NBEAL1: variants seen among roughly 807,000 people sequenced by gnomAD.
NBEAL1 encodes neurobeachin like 1.
Under a neutral mutation model 351.3 loss-of-function variants are expected in NBEAL1, and 273 were observed. The ratio of observed to expected loss-of-function variants is 0.78; its 90% CI spans 0.70 to 0.86. The LOEUF is 0.86. NBEAL1 is among the 40% of genes least tolerant of loss of function. The probability of loss-of-function intolerance (pLI) is 0.00; values close to 1 mark genes in which losing one functional copy is unlikely to be tolerated. For missense variants in NBEAL1, 2,961 were observed against 3,201.3 expected (o/e 0.92, Z 1.81); for synonymous variants, 1,050 against 1,086.4 (o/e 0.97, Z 0.66).
At chr2:203,206,853 G>C (rs1292498676) in intron 51 of NBEAL1, among the ~76,000 whole-genome samples, 1 of 150,792 alleles carries the variant, frequency 6.6e-6, no homozygotes, top group Non-Finnish European at 1.5e-5. Flanking sequence ...CGTCTGGGAA[G>C]TGAGGAGGGT....
chr2:203,169,388 T>TA (rs1208449990), intron 38 of NBEAL1, among the ~76,000 whole-genome samples: 36,548 of 89,364 alleles, frequency 0.41, 7,123 homozygotes, highest in East Asian at 0.58. Context: ...TTGAATATAG[T>TA]AAAAAAAAAA....
intron 12 of NBEAL1, among the ~76,000 whole-genome samples, chr2:203,104,098 C>G (rs186765833): frequency 8.2e-4 from 125 of 152,202 alleles, no homozygotes; most frequent in African/African-American, 2.7e-3. Context: ...GGTAAAGTGT[C>G]CTGTAGATCT....
chr2:203,169,239 G>C (rs538103927), intron 38 of NBEAL1, among the ~76,000 whole-genome samples: 73 of 152,070 alleles, frequency 4.8e-4, no homozygotes, highest in Middle Eastern at 3.4e-3. Flanking sequence ...CAAACCCATA[G>C]AGACAGAAAT....
Position 203,220,199 on chromosome 2 carries a change from T to C in NBEAL1, c.*2845T>C, listed in dbSNP as rs1166296748. Among the ~76,000 whole-genome samples the C allele has an allele frequency of 6.6e-6, 1 of 152,124 alleles. No homozygotes were observed. Among genetic ancestry groups the C allele is most frequent in the Non-Finnish European group, 1.5e-5 (1 of 67,996 alleles). On this transcript the variant is annotated 3_prime_UTR_variant, in exon 56 of 56. Coordinates refer to ENST00000683969, the MANE Select transcript of NBEAL1 (RefSeq NM_001378026.1). ...TCAAGTTGGCTCTTACAAAGTCTGT[T>C]ACCTGGCCAATTGTGGTGGCTCACG...
At position 203,057,391 on chromosome 2, in the gene NBEAL1, C is replaced by T. The variant is rs1315882001; in HGVS notation, c.453C>T (p.His151=). The T allele has an allele frequency of 2.6e-6, 4 of 1,552,126 alleles. No individual in the cohort carries two copies. The highest frequency in any genetic ancestry group is 2.4e-5 in the East Asian group (1 of 41,756). ...CATGTATTGAAGAATTTGTGATCCACGCATTGGCATTTTGTGAAAGCTTAT... is the reference window on the plus strand; with the variant it reads ...CATGTATTGAAGAATTTGTGATCCATGCATTGGCATTTTGTGAAAGCTTAT... ...DQTCIEEFVI[H]ALAFCESLYD... is the part of the protein sequence containing the mutation. Residue 151 remains histidine (H), a synonymous_variant, in exon 6 of 56, where the codon CAC becomes CAT. Coordinates refer to ENST00000683969, the MANE Select transcript of NBEAL1 (RefSeq NM_001378026.1).
chr2:203,063,905 A>G (rs932788506), intron 6 of NBEAL1, among the ~76,000 whole-genome samples: 1 of 152,178 alleles, frequency 6.6e-6, no homozygotes, highest in Non-Finnish European at 1.5e-5. Context: ...CCAAGTGCCA[A>G]TTAGTAAATA....
At chr2:203,059,206 T>C (rs1225114854) in intron 6 of NBEAL1, among the ~76,000 whole-genome samples, 1 of 152,218 alleles carries the variant, frequency 6.6e-6, no homozygotes, top group Non-Finnish European at 1.5e-5. Flanking sequence ...TTGTATGTTC[T>C]ATATAGTGAT....
chr2:203,151,930 T>C (rs931915576), intron 35 of NBEAL1, among the ~76,000 whole-genome samples: 2 of 152,134 alleles, frequency 1.3e-5, no homozygotes, highest in Non-Finnish European at 2.9e-5. Context: ...TAATGTTAGA[T>C]AGAATTCTTA....
rs566892334 is a variant in NBEAL1 at position 203,138,729 on chromosome 2, T to C, written c.4829T>C (p.Ile1610Thr). The C allele has an allele frequency of 5.6e-6, 9 of 1,612,036 alleles. No individual in the cohort carries two copies. Among genetic ancestry groups the C allele is most frequent in the East Asian group, 2.2e-5 (1 of 44,756 alleles). The change falls in exon 31 of 56, where the codon ATT (isoleucine) becomes ACT (threonine). Residue 1610 changes from isoleucine (I) to threonine (T), a missense_variant. Coordinates refer to ENST00000683969, the MANE Select transcript of NBEAL1 (RefSeq NM_001378026.1). ...QIQIQLLLGF[I>T]GRGNLQVCAM... ...CAGATCCAGTTGCTTCTAGGATTCA[T>C]TGGAAGGGGTAATTTGCAGGTTTGT...
intron 48 of NBEAL1, 99 bp downstream of exon 48, chr2:203,197,490 T>C (rs1302276184): frequency 2.5e-6 from 2 of 784,746 alleles, no homozygotes; most frequent in Non-Finnish European, 4.2e-6. Flanking sequence ...ACTTTTTGGC[T>C]GTGCATGGTG....
intron 15 of NBEAL1, 97 bp downstream of exon 15, chr2:203,110,379 A>G: frequency 1.5e-6 from 2 of 1,368,870 alleles, no homozygotes; most frequent in South Asian, 1.4e-5. Flanking sequence ...TTGCTAAAAA[A>G]TTTAAATGAG....
At chr2:203,048,697 T>A (rs1193034692) in intron 3 of NBEAL1, among the ~76,000 whole-genome samples, 1 of 152,204 alleles carries the variant, frequency 6.6e-6, no homozygotes, top group Non-Finnish European at 1.5e-5. Context: ...CCCATGTCTT[T>A]AGACGTTGAA....
chr2:203,212,804 G>T (rs751311950), intron 54 of NBEAL1, among the ~76,000 whole-genome samples: 8 of 152,190 alleles, frequency 5.3e-5, no homozygotes, highest in Non-Finnish European at 1.2e-4. Flanking sequence ...GACAAGACAG[G>T]GAGGGCCTTC....
At chr2:203,114,438 G>T (rs1314476717) in intron 17 of NBEAL1, among the ~76,000 whole-genome samples, 1 of 152,168 alleles carries the variant, frequency 6.6e-6, no homozygotes, top group Non-Finnish European at 1.5e-5. Flanking sequence ...AAGAATTCAT[G>T]AAGGCAGTAG....
Position 203,201,577 on chromosome 2 carries a change from G to C in NBEAL1, c.7273G>C (p.Gly2425Arg). The change falls in exon 50 of 56, where the codon GGG becomes CGG. Residue 2425 changes from glycine (G) to arginine (R), a missense_variant. Transcript: ENST00000683969. ...QRSINGSFAP[G>R]LEITSKLFVV... ...CAGTATAAATGGTTCTTTTGCTCCCGGGCTAGAGATCACTTCTAAGCTATT... is the reference window on the plus strand; with the variant it reads ...CAGTATAAATGGTTCTTTTGCTCCCCGGCTAGAGATCACTTCTAAGCTATT... 6.3e-7 allele frequency: 1 copy of C among 1,599,506 alleles called. No homozygotes were observed. The highest frequency in any genetic ancestry group is 8.5e-7 in the Non-Finnish European group (1 of 1,172,694).
rs551953349 is a variant in NBEAL1 at position 203,077,616 on chromosome 2, A to C, written c.599-136A>C. 14 of 451,180 alleles carry C rather than the reference A, an allele frequency of 3.1e-5. No individual in the cohort carries two copies. In the South Asian group the frequency reaches 1.1e-3, roughly 36 times the overall value. The allele number at this position is 451,180 out of a possible 1,614,324, so 27.9% of individuals were successfully genotyped here. On this transcript the variant is annotated intron_variant, in intron 7 of 55. Coordinates refer to ENST00000683969, the MANE Select transcript of NBEAL1 (RefSeq NM_001378026.1). Reference sequence around the variant, plus strand: ...CTTTTCTTTTCCTAAGACAAAATGCATATCAACCTTGGCTTTTAACACAGA... The same window carrying C: ...CTTTTCTTTTCCTAAGACAAAATGCCTATCAACCTTGGCTTTTAACACAGA...
chr2:203,171,360 T>A (rs2064313755), intron 39 of NBEAL1, among the ~76,000 whole-genome samples: 1 of 151,974 alleles, frequency 6.6e-6, no homozygotes, highest in Admixed American at 6.6e-5. Flanking sequence ...AACCCAATGC[T>A]TTGGGAGGTC....
intron 7 of NBEAL1, among the ~76,000 whole-genome samples, chr2:203,075,953 C>T (rs978347668): frequency 2.1e-4 from 32 of 152,266 alleles, no homozygotes; most frequent in Middle Eastern, 6.8e-3. Context: ...ATCCAGGTTA[C>T]CTCAAAGCTG....
intron 2 of NBEAL1, among the ~76,000 whole-genome samples, chr2:203,039,880 A>C (rs1475129667): frequency 6.6e-6 from 1 of 152,212 alleles, no homozygotes; most frequent in African/African-American, 2.4e-5. Context: ...AAATCTCTGC[A>C]CTTGTGAAAC....
Sources: gnomAD v4.1 joint callset for allele counts (sites outside exome capture counted in the v4.1 genomes callset) on GRCh38, gnomAD v4.1.1 for gene constraint, MANE v1.5 for transcripts, NCBI Gene and HGNC (gene_info 2026-07-23, HGNC 2026-07-21) for gene names.